Variants in GPLD1 observed in about 807,000 individuals in gnomAD.
GPLD1 encodes phosphatidylinositol-glycan-specific phospholipase D.
A neutral mutation model predicts 112.6 loss-of-function variants in GPLD1; 84 were observed. That is an observed-to-expected ratio of 0.75 (90% confidence interval 0.63 to 0.89). GPLD1 has a LOEUF of 0.89. Ranked by LOEUF, GPLD1 falls within the 40% of genes least tolerant of loss-of-function variation. GPLD1 has a pLI of 0.00. For synonymous variants in GPLD1, 386 were observed against 403.8 expected, an observed-to-expected ratio of 0.96 and a Z score of 0.53; for missense variants, 1,044 against 1,051.5, an observed-to-expected ratio of 0.99 and a Z score of 0.10.
chr6:24,427,367 AGTT>A lies in GPLD1; in HGVS notation c.*1662_*1664del, dbSNP rs1286041333. 1.3e-5 allele frequency among the ~76,000 whole-genome samples: 2 copies of A among 152,216 alleles called. No homozygotes were observed. The highest frequency in any genetic ancestry group is 4.8e-5 in the African/African-American group (2 of 41,454). Reference sequence around the variant, plus strand: ...TTTTCCCTCTAGTTCTTTTGGCACAAGTTGTAACCTAATGCGACAAAGGTCCCT... The same window carrying A: ...TTTTCCCTCTAGTTCTTTTGGCACAAGTAACCTAATGCGACAAAGGTCCCT... On this transcript the variant is annotated 3_prime_UTR_variant, in exon 25 of 25. Transcript: ENST00000230036.
intron 18 of GPLD1, 92 bp from the exon 19 acceptor site, chr6:24,445,923 C>A (rs143847913): frequency 1.1e-5 from 9 of 845,552 alleles, no homozygotes; most frequent in East Asian, 4.9e-5. Flanking sequence ...GCACCTCCCC[C>A]CATCCAGGCC....
rs369865985 is a variant in GPLD1, at chr6:24,447,838, G to C, written c.1678+39C>G. On this transcript the variant is annotated intron_variant, in intron 17 of 24. Coordinates refer to ENST00000230036, the MANE Select transcript of GPLD1 (RefSeq NM_001503.4). ...CAGGATAAGTTGTCGTAGACACACA[G>C]AGCAGCCATGGTCTCACCCATTCCC... The C allele has an allele frequency of 4.5e-5, 73 of 1,604,648 alleles. No homozygotes were observed. The African/African-American group carries it at 8.7e-4, about 19-fold the overall frequency.
chr6:24,436,483 C>T, intron 22 of GPLD1, 93 bp downstream of exon 22: 1 of 1,094,572 alleles, frequency 9.1e-7, no homozygotes. Flanking sequence ...GGTATGAATT[C>T]AGGTAAGCAC....
intron 2 of GPLD1, among the ~76,000 whole-genome samples, chr6:24,482,276 TTTTTTTTC>T (rs147544691): frequency 0.087 from 13,144 of 151,076 alleles, 1,456 homozygotes; most frequent in African/African-American, 0.26. Context: ...AATTTTTGTA[TTTTTTTTC>T]TTTTTTTCTT....
rs150690034 is a variant in GPLD1 at position 24,470,013 on chromosome 6, G to T, written c.545+2569C>A. On this transcript the variant is annotated intron_variant, in intron 7 of 24. Coordinates refer to ENST00000230036, the MANE Select transcript of GPLD1 (RefSeq NM_001503.4). Reference sequence around the variant, plus strand: ...AGCAGGACAGCAGAAATTTTTCAAAGGCCAAAAACAACTAGAAACAAAAAA... The same window carrying T: ...AGCAGGACAGCAGAAATTTTTCAAATGCCAAAAACAACTAGAAACAAAAAA... Among the ~76,000 whole-genome samples, 646 of 152,120 alleles carry T rather than the reference G, an allele frequency of 4.2e-3. 4 individuals are homozygous for T. The highest frequency in any genetic ancestry group is 0.015 in the African/African-American group (613 of 41,516).
At chr6:24,445,501 G>C in intron 20 of GPLD1, 45 bp downstream of exon 20, 1 of 1,274,994 alleles carries the variant, frequency 7.8e-7, no homozygotes, top group Non-Finnish European at 1.1e-6. Flanking sequence ...TGTACAAGCA[G>C]CCACATGACT....
At position 24,448,121 on chromosome 6, in the gene GPLD1, G is replaced by A. The variant is rs928946102; in HGVS notation, c.1521+13C>T. On this transcript the variant is annotated intron_variant, in intron 16 of 24. Coordinates refer to ENST00000230036, the MANE Select transcript of GPLD1 (RefSeq NM_001503.4). Reference sequence around the variant, plus strand: ...TTCTAGGTTTCTGCACCTGGCTAAAGTGGTAAACATACCTGGCAAGAAATG... The same window carrying A: ...TTCTAGGTTTCTGCACCTGGCTAAAATGGTAAACATACCTGGCAAGAAATG... The A allele has an allele frequency of 4.3e-6, 7 of 1,611,560 alleles. No homozygotes were observed. Among genetic ancestry groups the A allele is most frequent in the Non-Finnish European group, 5.9e-6 (7 of 1,178,720 alleles).
chr6:24,461,014 A>G (rs1231182069), intron 11 of GPLD1, among the ~76,000 whole-genome samples: 1 of 152,182 alleles, frequency 6.6e-6, no homozygotes, highest in East Asian at 1.9e-4. Flanking sequence ...AAGTGCTGGA[A>G]TTACAGGTGT....
chr6:24,489,389 CAACAT>C, intron 1 of GPLD1, 21 bp downstream of exon 1: 2 of 1,470,790 alleles, frequency 1.4e-6, no homozygotes, highest in Non-Finnish European at 1.9e-6. Flanking sequence ...GTCCTCTCAA[CAACAT>C]AACAAGACAC....
chr6:24,445,956 G>A (rs569701229), intron 18 of GPLD1, 125 bp from the exon 19 acceptor site: 37 of 676,164 alleles, frequency 5.5e-5, no homozygotes, highest in Non-Finnish European at 9.7e-5. Flanking sequence ...CTGTCTCTGC[G>A]ACCCCAGGCC....
At chr6:24,475,289 T>C in intron 4 of GPLD1, 58 bp from the exon 5 acceptor site, 1 of 897,142 alleles carries the variant, frequency 1.1e-6, no homozygotes, top group African/African-American at 1.7e-5. Context: ...ATAACAATCC[T>C]ATTAAAAGTT....
At chr6:24,449,923 C>T (rs375671991) in intron 14 of GPLD1, 24 bp from the exon 15 acceptor site, 22 of 1,549,692 alleles carry the variant, frequency 1.4e-5, no homozygotes, top group Non-Finnish European at 1.8e-5. Context: ...AGTTTACTTC[C>T]CCTGGGCTGA....
intron 2 of GPLD1, among the ~76,000 whole-genome samples, chr6:24,485,831 G>A (rs577149482): frequency 1.3e-5 from 2 of 151,680 alleles, no homozygotes; most frequent in Non-Finnish European, 2.9e-5. Context: ...CACCACGCCC[G>A]GCTAATTTTG....
intron 1 of GPLD1, 104 bp downstream of exon 1, chr6:24,489,310 CA>C: frequency 5.9e-6 from 5 of 843,666 alleles, no homozygotes; most frequent in Non-Finnish European, 9.7e-6. Context: ...GCTCAGTGCC[CA>C]GGGGAAACTG....
At chr6:24,445,943 G>A in intron 18 of GPLD1, 112 bp from the exon 19 acceptor site, 2 of 755,794 alleles carry the variant, frequency 2.6e-6, no homozygotes, top group Non-Finnish European at 4.6e-6. Flanking sequence ...CTCCCAGCAG[G>A]CTCTGTCTCT....
rs755799999 is a variant in GPLD1 at position 24,495,071 on chromosome 6, C to T, written n.135G>A. On this transcript the variant is annotated non_coding_transcript_exon_variant, in exon 1 of 11. Coordinates refer to the GPLD1 transcript ENST00000474784. ...CGACGTTTCCAGGCTGCCGCCTCCG[C>T]CCCCGCGCCGGCGGCCTGGTCCCTG... The T allele has an allele frequency of 6.8e-6, 9 of 1,329,918 alleles. No homozygotes were observed. The African/African-American group carries it at 9.0e-5, about 13-fold the overall frequency. The allele number at this position is 1,329,918 out of a possible 1,614,324, so 82.4% of individuals were successfully genotyped here.
At chr6:24,460,451 T>TG (rs1561844210) in intron 11 of GPLD1, 52 bp from the exon 12 acceptor site, 2 of 1,589,534 alleles carry the variant, frequency 1.3e-6, no homozygotes, top group Non-Finnish European at 1.7e-6. Flanking sequence ...AACAACCCCC[T>TG]GTAAAACTGA....
Position 24,428,939 on chromosome 6 carries a change from C to T in GPLD1, c.*93G>A. The T allele has an allele frequency of 1.3e-6, 1 of 794,368 alleles. No individual in the cohort carries two copies. The highest frequency in any genetic ancestry group is 2.1e-6 in the Non-Finnish European group (1 of 484,080). The allele number at this position is 794,368 out of a possible 1,614,324, so 49.2% of individuals were successfully genotyped here. On this transcript the variant is annotated 3_prime_UTR_variant, in exon 25 of 25. Coordinates refer to ENST00000230036, the MANE Select transcript of GPLD1 (RefSeq NM_001503.4). Reference sequence around the variant, plus strand: ...TGTCTATCAGGATCTACCACCGCTCCACTGGATGTGCCACTTTGTCCATCA... The same window carrying T: ...TGTCTATCAGGATCTACCACCGCTCTACTGGATGTGCCACTTTGTCCATCA...
At position 24,435,836 on chromosome 6, in the gene GPLD1, A is replaced by AAAAAAAAAAAAAAAAAAAAAAAT. The variant is rs1427422814; in HGVS notation, c.2358+739_2358+740insATTTTTTTTTTTTTTTTTTTTTT. 4 of 146,528 alleles carry AAAAAAAAAAAAAAAAAAAAAAAT rather than the reference A, an allele frequency of 2.7e-5. 1 individual carries two copies. Among genetic ancestry groups the AAAAAAAAAAAAAAAAAAAAAAAT allele is most frequent in the Non-Finnish European group, 6.1e-5 (4 of 65,686 alleles). 9.1% of individuals were successfully genotyped at this position (146,528 alleles called of 1,614,324 possible). On this transcript the variant is annotated intron_variant, in intron 22 of 24. Transcript: ENST00000230036. ...CCAGACGCTGTCTCAAAAAAAAAAA[A>AAAAAAAAAAAAAAAAAAAAAAAT]AAAAAAAAAAAGTTAAATAATGGCC... is the stretch of plus-strand genomic sequence containing the variant.
Sources: gnomAD v4.1 joint callset for allele counts (sites outside exome capture counted in the v4.1 genomes callset) on GRCh38, gnomAD v4.1.1 for gene constraint, MANE v1.5 for transcripts, NCBI Gene and HGNC (gene_info 2026-07-23, HGNC 2026-07-21) for gene names.